Variants in CAPN14 observed in about 807,000 individuals in gnomAD.
CAPN14 encodes calpain 14.
CAPN14 carries 94 observed loss-of-function variants against 101.3 expected under a neutral mutation model. That is an observed-to-expected ratio of 0.93 (90% CI 0.79 to 1.10). CAPN14 has a LOEUF of 1.10. Ranked by LOEUF, CAPN14 falls within the 50% of genes least tolerant of loss-of-function variation. The pLI is 0.00. For synonymous variants in CAPN14, 338 were observed against 317.9 expected, an observed-to-expected ratio of 1.06 and a Z score of -0.67; for missense variants, 837 against 828.4, an observed-to-expected ratio of 1.01 and a Z score of -0.13.
At chr2:31,202,318 C>T (rs953889431) in intron 3 of CAPN14, 66 bp from the exon 4 acceptor site, 68 of 1,264,606 alleles carry the variant, frequency 5.4e-5, no homozygotes, top group South Asian at 2.3e-4. Flanking sequence ...AGAAAATGCC[C>T]GGTCCCAATG....
intron 1 of CAPN14, among the ~76,000 whole-genome samples, chr2:31,231,678 C>A (rs1032964099): frequency 2.0e-5 from 3 of 152,186 alleles, no homozygotes; most frequent in Non-Finnish European, 4.4e-5. Context: ...AATGGCATGG[C>A]CGTACTGATT....
chr2:31,200,257 G>T lies in CAPN14; in HGVS notation c.726+194C>A, dbSNP rs547684675. On this transcript the variant is annotated intron_variant, in intron 6 of 21. Coordinates refer to ENST00000403897, the MANE Select transcript of CAPN14 (RefSeq NM_001145122.2). ...TGACCCCAGGTGATCCGCCCACCTG[G>T]GCCTCCCAAAGTGCTGGGATTACAG... is the stretch of plus-strand genomic sequence containing the variant. 2.6e-5 allele frequency among the ~76,000 whole-genome samples: 4 copies of T among 152,022 alleles called. No homozygotes were observed. In the East Asian group the frequency reaches 5.8e-4, roughly 22 times the overall value.
rs974114251 is a variant in CAPN14, at chr2:31,200,694, G to A, written c.552-69C>T. 100 of 1,394,624 alleles carry A rather than the reference G, an allele frequency of 7.2e-5. 1 individual carries two copies. Among genetic ancestry groups the A allele is most frequent in the African/African-American group, 2.6e-4 (18 of 68,554 alleles). The allele number at this position is 1,394,624 out of a possible 1,614,324, so 86.4% of individuals were successfully genotyped here. ...AGTATTTATAATTTTATGTGGCCTC[G>A]GCATCCACTTTTAAATAGGAGTCTA... On this transcript the variant is annotated intron_variant, in intron 5 of 21. Coordinates refer to ENST00000403897, the MANE Select transcript of CAPN14 (RefSeq NM_001145122.2).
At chr2:31,176,032 A>G (rs1198027072) in intron 21 of CAPN14, among the ~76,000 whole-genome samples, 1 of 152,218 alleles carries the variant, frequency 6.6e-6, no homozygotes, top group Admixed American at 6.5e-5. Flanking sequence ...AAGTGATATT[A>G]AAGAGGAGGA....
intron 2 of CAPN14, among the ~76,000 whole-genome samples, chr2:31,223,325 A>G (rs1418949712): frequency 6.6e-6 from 1 of 152,206 alleles, no homozygotes; most frequent in Non-Finnish European, 1.5e-5. Context: ...CCCATGTGAC[A>G]GCACTTCAAA....
At chr2:31,180,777 G>A (rs1383749606) in intron 17 of CAPN14, among the ~76,000 whole-genome samples, 159 bp downstream of exon 17, 1 of 152,164 alleles carries the variant, frequency 6.6e-6, no homozygotes, top group Non-Finnish European at 1.5e-5. Context: ...CTCTCTCCAT[G>A]CTTCAGATGA....
rs1042779876 is a variant in CAPN14, at chr2:31,177,084, G to A, written c.1914C>T (p.Arg638=). The A allele has an allele frequency of 1.9e-6, 3 of 1,551,508 alleles. No individual in the cohort carries two copies. Among genetic ancestry groups the A allele is most frequent in the Non-Finnish European group, 2.6e-6 (3 of 1,146,882 alleles). ...QLMLIRYGGP[R]LQMDFVSFIH... Reference sequence around the variant, plus strand: ...TGAAACTGACAAAGTCCATCTGGAGGCGGGGGCCGCCGTAGCGGATGAGCA... The same window carrying A: ...TGAAACTGACAAAGTCCATCTGGAGACGGGGGCCGCCGTAGCGGATGAGCA... The change falls in exon 20 of 22, where the codon CGC becomes CGT. Residue 638 remains arginine, a synonymous_variant. Transcript: ENST00000403897.
At chr2:31,227,742 CT>C (rs1199131052) in intron 1 of CAPN14, among the ~76,000 whole-genome samples, 1 of 152,250 alleles carries the variant, frequency 6.6e-6, no homozygotes, top group East Asian at 1.9e-4. Context: ...AGCTGATGCA[CT>C]TTCGCCTCCA....
intron 11 of CAPN14, 24 bp from the exon 12 acceptor site, chr2:31,191,431 A>G: frequency 1.4e-6 from 1 of 708,280 alleles, no homozygotes; most frequent in Non-Finnish European, 1.9e-6. Context: ...ACAAAAACAG[A>G]AAAAAAAAAA....
intron 17 of CAPN14, among the ~76,000 whole-genome samples, chr2:31,179,745 T>C (rs190428322): frequency 6.6e-6 from 1 of 152,356 alleles, no homozygotes; most frequent in African/African-American, 2.4e-5. Flanking sequence ...TACTTTTTAA[T>C]GATCGCCATT....
chr2:31,177,220 TG>T, intron 19 of CAPN14, 78 bp from the exon 20 acceptor site: 1 of 921,622 alleles, frequency 1.1e-6, no homozygotes, highest in Non-Finnish European at 1.7e-6. Context: ...CCCCTTCAAA[TG>T]TCCCTCCAGT....
In CAPN14 at chr2:31,200,487, G is replaced by T; in HGVS notation, c.690C>A (p.Tyr230Ter). 6.4e-7 allele frequency: 1 copy of T among 1,550,956 alleles called. No individual in the cohort carries two copies. Among genetic ancestry groups the T allele is most frequent in the Non-Finnish European group, 8.7e-7 (1 of 1,146,982 alleles). ...NLWDILIEAT[Y>*]NRTLIGCQTH... ...TCTGGCAGCCAATGAGGGTTCTGTT[G>T]TAGGTGGCTTCGATGAGGATGTCCC... Residue 230 changes from tyrosine (Y) to a stop codon, truncating the protein, a stop_gained, in exon 6 of 22, where the codon TAC (tyrosine) becomes TAA (stop). Coordinates refer to ENST00000403897, the MANE Select transcript of CAPN14 (RefSeq NM_001145122.2). LOFTEE classifies it high-confidence loss of function.
At chr2:31,203,890 A>C (rs1036661885) in intron 2 of CAPN14, among the ~76,000 whole-genome samples, 1 of 152,224 alleles carries the variant, frequency 6.6e-6, no homozygotes, top group Non-Finnish European at 1.5e-5. Context: ...AGGTAAATCA[A>C]GTTTCAGGGA....
chr2:31,188,177 C>T, intron 14 of CAPN14, 141 bp downstream of exon 14: 2 of 756,924 alleles, frequency 2.6e-6, no homozygotes, highest in Non-Finnish European at 2.3e-6. Flanking sequence ...TGTTAGGATA[C>T]AACGGGTAAT....
At chr2:31,185,448 A>T (rs1187290760) in intron 16 of CAPN14, among the ~76,000 whole-genome samples, 2 of 152,244 alleles carry the variant, frequency 1.3e-5, no homozygotes, top group Non-Finnish European at 2.9e-5. Context: ...ACCCTCTCAT[A>T]GGACTAAATG....
At chr2:31,214,813 TG>T (rs1000612998) in intron 1 of CAPN14, among the ~76,000 whole-genome samples, 6 of 152,210 alleles carry the variant, frequency 3.9e-5, no homozygotes, top group African/African-American at 1.4e-4. Context: ...GCTCGGCCTT[TG>T]TGGAAGTTGC....
rs538044256 is a variant in CAPN14 at position 31,181,398 on chromosome 2, TTTTCTTTCTTTCTTTC to T, written c.1646-414_1646-399del. On this transcript the variant is annotated intron_variant, in intron 16 of 21. Transcript: ENST00000403897. ...TTCTCTTTTCTTTTTTTCTTTCTTT[TTTTCTTTCTTTCTTTC>T]TTTCTTTCTTTCTTTCTTTCTTTCT... 1.8e-3 allele frequency among the ~76,000 whole-genome samples: 239 copies of T among 135,066 alleles called. 1 individual carries two copies. Among genetic ancestry groups the T allele is most frequent in the East Asian group, 4.3e-3 (20 of 4,682 alleles). 88.6% of individuals were successfully genotyped at this position (135,066 alleles called of 152,430 possible).
chr2:31,208,609 A>G (rs1440292416), intron 1 of CAPN14, among the ~76,000 whole-genome samples: 1 of 152,184 alleles, frequency 6.6e-6, no homozygotes, highest in Non-Finnish European at 1.5e-5. Context: ...ATTTGTAAAT[A>G]AGTATTCCTA....
chr2:31,175,602 G>T (rs1389407105), intron 21 of CAPN14, among the ~76,000 whole-genome samples: 1 of 152,206 alleles, frequency 6.6e-6, no homozygotes, highest in Non-Finnish European at 1.5e-5. Flanking sequence ...CTCAAGTGTG[G>T]GGCTAAGCAG....
Sources: allele counts gnomAD v4.1 joint callset (sites outside exome capture counted in the v4.1 genomes callset), GRCh38; gene constraint gnomAD v4.1.1; transcripts MANE v1.5; gene names NCBI Gene and HGNC (gene_info 2026-07-23, HGNC 2026-07-21).